The following SLC8A1 variants were observed in gnomAD, a reference collection of about 807,000 sequenced individuals.
SLC8A1 encodes the protein solute carrier family 8 member A1.
A neutral mutation model predicts 68.3 loss-of-function variants in SLC8A1; 18 were observed. The ratio of observed to expected loss-of-function variants is 0.26; its 90% CI spans 0.18 to 0.39. The LOEUF (loss-of-function observed/expected upper bound fraction) is 0.39. Ranked by LOEUF, SLC8A1 falls within the 10% of genes least tolerant of loss-of-function variation. The pLI, the probability that SLC8A1 is intolerant of heterozygous loss-of-function variation, is 1.00. For synonymous variants in SLC8A1, 475 were observed against 415.5 expected (o/e 1.14, Z -1.74); for missense variants, 985 against 1,156.7 (o/e 0.85, Z 2.15).
chr2:40,180,673 C>T (rs1271226297), intron 2 of SLC8A1, among the ~76,000 whole-genome samples: 2 of 152,154 alleles, frequency 1.3e-5, no homozygotes, highest in Non-Finnish European at 2.9e-5. Context: ...AGTCACGTTG[C>T]AATATTCTTG....
chr2:40,500,696 T>C (rs1706000945), intron 1 of SLC8A1, among the ~76,000 whole-genome samples: 1 of 151,686 alleles, frequency 6.6e-6, no homozygotes, highest in Non-Finnish European at 1.5e-5. Flanking sequence ...TGATCCAGTG[T>C]CATTATTAAT....
chr2:40,300,021 T>C (rs1031366787), intron 2 of SLC8A1, among the ~76,000 whole-genome samples: 7 of 152,156 alleles, frequency 4.6e-5, no homozygotes, highest in Non-Finnish European at 8.8e-5. Flanking sequence ...CCAAAGTATT[T>C]AGACCTTCAG....
intron 2 of SLC8A1, among the ~76,000 whole-genome samples, chr2:40,203,227 G>T (rs1337625162): frequency 6.6e-6 from 1 of 152,000 alleles, no homozygotes; most frequent in Non-Finnish European, 1.5e-5. Context: ...CTGCATTCCT[G>T]ATTCTGGAGG....
At chr2:40,175,420 C>G (rs1042153383) in intron 3 of SLC8A1, 139 bp from the exon 4 acceptor site, 1 of 743,582 alleles carries the variant, frequency 1.3e-6, no homozygotes, top group East Asian at 2.7e-5. Flanking sequence ...GGGTATACCC[C>G]AAAGAAATAT....
At chr2:40,170,423 T>C in intron 4 of SLC8A1, 74 bp from the exon 7 acceptor site, 1 of 1,283,516 alleles carries the variant, frequency 7.8e-7, no homozygotes, top group East Asian at 2.3e-5. Context: ...GTGGAATTAG[T>C]AAGCTAAACA....
intron 1 of SLC8A1, among the ~76,000 whole-genome samples, chr2:40,448,029 C>A (rs1468533364): frequency 6.6e-6 from 1 of 152,152 alleles, no homozygotes; most frequent in Non-Finnish European, 1.5e-5. Context: ...TTTAAAACAC[C>A]TACTGTTCAA....
At chr2:40,266,886 A>G (rs952791235) in intron 2 of SLC8A1, among the ~76,000 whole-genome samples, 2 of 152,176 alleles carry the variant, frequency 1.3e-5, no homozygotes, top group Admixed American at 1.3e-4. Flanking sequence ...CTGGCTTATT[A>G]GGAAATAGCT....
At chr2:40,390,940 G>T (rs145913265) in intron 2 of SLC8A1, among the ~76,000 whole-genome samples, 88 of 152,170 alleles carry the variant, frequency 5.8e-4, no homozygotes, top group African/African-American at 2.0e-3. Flanking sequence ...ATAAATATGG[G>T]AGCTACCGCA....
chr2:40,180,122 A>T lies in SLC8A1; in HGVS notation c.1809-2267T>A, dbSNP rs17503660. ...TGACTAAAGCCACAATCATCTTTTAAAGAGTGGTTAGATATTTACAAAACT... is the reference window on the plus strand; with the variant it reads ...TGACTAAAGCCACAATCATCTTTTATAGAGTGGTTAGATATTTACAAAACT... On this transcript the variant is annotated intron_variant, in intron 2 of 7. Transcript: ENST00000406785. Among the ~76,000 whole-genome samples the T allele has an allele frequency of 3.9e-3, 597 of 152,044 alleles. 1 individual carries two copies. The highest frequency in any genetic ancestry group is 5.6e-3 in the Non-Finnish European group (378 of 68,026).
intron 2 of SLC8A1, among the ~76,000 whole-genome samples, chr2:40,411,904 C>A (rs1692271802): frequency 6.6e-6 from 1 of 152,040 alleles, no homozygotes; most frequent in Admixed American, 6.6e-5. Context: ...TAATCAATAA[C>A]TCAACAGTCA....
chr2:40,239,934 T>C (rs1163174322), intron 2 of SLC8A1, among the ~76,000 whole-genome samples: 1 of 152,218 alleles, frequency 6.6e-6, no homozygotes, highest in Non-Finnish European at 1.5e-5. Context: ...GAAGAGTAGT[T>C]TTCTCAATTT....
intron 2 of SLC8A1, among the ~76,000 whole-genome samples, chr2:40,269,189 A>C (rs978530952): frequency 6.6e-6 from 1 of 152,208 alleles, no homozygotes; most frequent in Non-Finnish European, 1.5e-5. Flanking sequence ...TTTTGTCTTT[A>C]TTATAGAAAT....
intron 2 of SLC8A1, among the ~76,000 whole-genome samples, chr2:40,376,649 CAGG>C (rs1038368995): frequency 3.9e-5 from 6 of 152,040 alleles, no homozygotes; most frequent in Non-Finnish European, 8.8e-5. Flanking sequence ...CAACAAACAA[CAGG>C]ACCAGGCAAC....
intron 1 of SLC8A1, among the ~76,000 whole-genome samples, chr2:40,463,287 G>A (rs538530464): frequency 6.6e-6 from 1 of 152,280 alleles, no homozygotes; most frequent in Admixed American, 6.5e-5. Flanking sequence ...TGCAGTTGAG[G>A]AACTGAAAGG....
intron 2 of SLC8A1, among the ~76,000 whole-genome samples, chr2:40,340,720 G>C (rs1667424811): frequency 6.6e-6 from 1 of 152,156 alleles, no homozygotes; most frequent in Non-Finnish European, 1.5e-5. Flanking sequence ...TAATTCTTGA[G>C]ACTGGCCTGG....
rs185146779 is a variant in SLC8A1 at position 40,282,042 on chromosome 2, A to G, written c.1809-104187T>C. ...TATCCCTTCAGCACAGCTCCCCCAC[A>G]CAAGAGCGTACCTTTAATGACTGAT... On this transcript the variant is annotated intron_variant, in intron 2 of 7. Coordinates refer to ENST00000406785, the Ensembl canonical transcript of SLC8A1. 2.0e-5 allele frequency among the ~76,000 whole-genome samples: 3 copies of G among 152,156 alleles called. No individual in the cohort carries two copies. The East Asian group carries it at 5.8e-4, about 29-fold the overall frequency.
At chr2:40,451,737 T>TCTCACACA (rs1491295790) in intron 1 of SLC8A1, among the ~76,000 whole-genome samples, 167 bp downstream of exon 1, 35 of 133,744 alleles carry the variant, frequency 2.6e-4, no homozygotes, top group South Asian at 7.8e-4. Flanking sequence ...ACACACCACA[T>TCTCACACA]CACACACACA....
intron 2 of SLC8A1, among the ~76,000 whole-genome samples, chr2:40,427,846 A>G (rs1697284323): frequency 6.6e-6 from 1 of 152,192 alleles, no homozygotes; most frequent in African/African-American, 2.4e-5. Context: ...GACTTGAACT[A>G]CAAAAGGGCT....
Position 40,211,896 on chromosome 2 carries a change from TA to T in SLC8A1, c.1809-34042del, listed in dbSNP as rs1221876460. Reference sequence around the variant, plus strand: ...GTGAAGTGATGTGTCTGTCACACACTAAAAACATAAAAGATGATGCATGAAT... The same window carrying T: ...GTGAAGTGATGTGTCTGTCACACACTAAAACATAAAAGATGATGCATGAAT... On this transcript the variant is annotated intron_variant, in intron 2 of 7. Coordinates refer to ENST00000406785, the Ensembl canonical transcript of SLC8A1. Among the ~76,000 whole-genome samples the T allele has an allele frequency of 2.6e-5, 4 of 152,296 alleles. No individual in the cohort carries two copies. The East Asian group carries it at 7.7e-4, about 29-fold the overall frequency.
Sources: allele counts gnomAD v4.1 joint callset (sites outside exome capture counted in the v4.1 genomes callset), GRCh38; gene constraint gnomAD v4.1.1; transcripts MANE v1.5; gene names NCBI Gene and HGNC (gene_info 2026-07-23, HGNC 2026-07-21).